The following ZFYVE26 variants were observed in gnomAD, a reference collection of about 807,000 sequenced individuals.
ZFYVE26 encodes the protein zinc finger FYVE-type containing 26.
Under a neutral mutation model 276.5 loss-of-function variants are expected in ZFYVE26, and 181 were observed. That is an observed-to-expected ratio of 0.65 (90% CI 0.58 to 0.74). The LOEUF (loss-of-function observed/expected upper bound fraction) is 0.74, where lower values mean the gene tolerates loss of function less well. Among genes scored for constraint, ZFYVE26 ranks in the 30% least tolerant of loss-of-function variants. The pLI is 0.00. For synonymous variants in ZFYVE26, 1,129 were observed against 1,203.1 expected, an observed-to-expected ratio of 0.94 and a Z score of 1.27; for missense variants, 2,821 against 3,097.9, an observed-to-expected ratio of 0.91 and a Z score of 2.12.
In ZFYVE26 at chr14:67,798,149, G is replaced by C. The variant is rs781458095; in HGVS notation, c.2113C>G (p.Pro705Ala). Residue 705 changes from proline (P) to alanine (A), a missense_variant, in exon 11 of 42, where the codon CCT (proline) becomes GCT (alanine). Transcript: ENST00000347230. ...TGACTTTCTTGCTTTGGCTTCTCAG[G>C]AGGGCTGCGGCTACTGATCTCATCC... ...QLDEISSRSP[P>A]EKPKQESQSC... is the part of the protein sequence containing the mutation. The C allele has an allele frequency of 5.6e-6, 9 of 1,614,094 alleles. No homozygotes were observed. The highest frequency in any genetic ancestry group is 3.3e-5 in the Admixed American group (2 of 60,012).
In ZFYVE26 at chr14:67,790,762, C is replaced by G. The variant is rs145738942; in HGVS notation, c.2565G>C (p.Thr855=). Reference sequence around the variant, plus strand: ...AACTGGGTGAGGACTTCAGGTTGAACGTGAACAGCACCTGTCATAGGAGAG... The same window carrying G: ...AACTGGGTGAGGACTTCAGGTTGAAGGTGAACAGCACCTGTCATAGGAGAG... The part of the protein sequence containing the change: ...NFAEAHQVLF[T]FNLKSSPSSG... The change falls in exon 15 of 42, where the codon ACG becomes ACC. Residue 855 remains threonine (T), a synonymous_variant. Transcript: ENST00000347230. 1.9e-6 allele frequency: 3 copies of G among 1,614,060 alleles called. No homozygotes were observed. The highest frequency in any genetic ancestry group is 2.5e-6 in the Non-Finnish European group (3 of 1,179,966).
At chr14:67,774,203 A>G (rs1314743121) in intron 27 of ZFYVE26, among the ~76,000 whole-genome samples, 2 of 152,114 alleles carry the variant, frequency 1.3e-5, no homozygotes, top group African/African-American at 4.8e-5. Flanking sequence ...GGTTGTTTCA[A>G]CCTCTATATA....
At chr14:67,768,310 G>A (rs1343303722) in intron 30 of ZFYVE26, among the ~76,000 whole-genome samples, 2 of 152,234 alleles carry the variant, frequency 1.3e-5, no homozygotes, top group Admixed American at 1.3e-4. Flanking sequence ...CCTTCTCAAT[G>A]CTGGAAGCTA....
chr14:67,806,670 G>C lies in ZFYVE26; in HGVS notation c.892C>G (p.Pro298Ala). ...GCCCGCTCAGGATCTAGATGATCCGGTGAGACTGAACATCAAACAAGACGG... is the reference window on the plus strand; with the variant it reads ...GCCCGCTCAGGATCTAGATGATCCGCTGAGACTGAACATCAAACAAGACGG... ...PRATASGKVSPDHLDPERAML... is the reference protein window; with the variant it reads ...PRATASGKVSADHLDPERAML... The change falls in exon 6 of 42, where the codon CCG becomes GCG. Residue 298 changes from proline (P) to alanine (A), a missense_variant. By Grantham distance (27) the Pro-to-Ala change is conservative. Transcript: ENST00000347230. 8 of 1,614,010 alleles carry C rather than the reference G, an allele frequency of 5.0e-6. No homozygotes were observed. Among genetic ancestry groups the C allele is most frequent in the Non-Finnish European group, 6.8e-6 (8 of 1,179,976 alleles).
chr14:67,736,384 G>A (rs1480645908), intron 13 of ZFYVE26, among the ~76,000 whole-genome samples: 2 of 152,132 alleles, frequency 1.3e-5, no homozygotes, highest in African/African-American at 2.4e-5. Flanking sequence ...TTGTAGAAGA[G>A]GCATTTCAAA....
intron 13 of ZFYVE26, 125 bp from the exon 14 acceptor site, chr14:67,793,884 G>C: frequency 7.3e-7 from 1 of 1,361,242 alleles, no homozygotes; most frequent in Non-Finnish European, 1.0e-6. Context: ...CTGTAAATAG[G>C]TCTTAATTTT....
rs2038528214 is a variant in ZFYVE26 at position 67,747,997 on chromosome 14, G to A, written c.*439C>T. On this transcript the variant is annotated 3_prime_UTR_variant, in exon 42 of 42. Transcript: ENST00000347230. ...GAGGAGCTACTAAAGCACGTCCACAGAGGGGGGACTATACAAACAGGACAA... is the reference window on the plus strand; with the variant it reads ...GAGGAGCTACTAAAGCACGTCCACAAAGGGGGGACTATACAAACAGGACAA... 1 of 196,854 alleles carries A rather than the reference G, an allele frequency of 5.1e-6. No homozygotes were observed. The highest frequency in any genetic ancestry group is 1.1e-5 in the Non-Finnish European group (1 of 94,738). The allele number at this position is 196,854 out of a possible 1,614,324, so 12.2% of individuals were successfully genotyped here. A position where few individuals can be genotyped will look rare whatever the true frequency, so the allele number is the denominator to read the frequency against.
intron 25 of ZFYVE26, among the ~76,000 whole-genome samples, chr14:67,776,634 T>C (rs1240658913): frequency 3.3e-5 from 5 of 152,188 alleles, no homozygotes; most frequent in Non-Finnish European, 1.5e-5. Flanking sequence ...GTAGTGTCAG[T>C]AGTCTAATGA....
At chr14:67,758,557 T>C (rs1349162937) in intron 35 of ZFYVE26, among the ~76,000 whole-genome samples, 1 of 152,210 alleles carries the variant, frequency 6.6e-6, no homozygotes, top group African/African-American at 2.4e-5. Flanking sequence ...TGGTGGCTAA[T>C]GCTGCTTGAG....
In ZFYVE26 at chr14:67,762,761, G is replaced by C; in HGVS notation, c.6070C>G (p.Pro2024Ala). 1 of 1,614,204 alleles carries C rather than the reference G, an allele frequency of 6.2e-7. No homozygotes were observed. Among genetic ancestry groups the C allele is most frequent in the Non-Finnish European group, 8.5e-7 (1 of 1,180,046 alleles). ...ILVAAAYRHVPSLDQILQPAA... is the reference protein window; with the variant it reads ...ILVAAAYRHVASLDQILQPAA... Reference sequence around the variant, plus strand: ...GGCTGCAAGATCTGATCCAAAGATGGCACGTGGCGATAGGCAGCAGCAACT... The same window carrying C: ...GGCTGCAAGATCTGATCCAAAGATGCCACGTGGCGATAGGCAGCAGCAACT... The change falls in exon 33 of 42, where the codon CCA becomes GCA. Residue 2024 changes from proline to alanine, a missense_variant. Transcript: ENST00000347230.
chr14:67,814,067 G>A lies in ZFYVE26; in HGVS notation c.195-3C>T. The A allele has an allele frequency of 6.2e-7, 1 of 1,611,814 alleles. No individual in the cohort carries two copies. The highest frequency in any genetic ancestry group is 8.5e-7 in the Non-Finnish European group (1 of 1,178,136). ...GAGGGTTGATGTCCTGCCCACATCT[G>A]AAAAAGGTAAAAAGAAAGACTTGTA... On this transcript the variant is annotated splice_region_variant and splice_polypyrimidine_tract_variant and intron_variant, in intron 2 of 41. Coordinates refer to ENST00000347230, the MANE Select transcript of ZFYVE26 (RefSeq NM_015346.4).
Position 67,729,280 on chromosome 14 carries a change from C to T in ZFYVE26, n.3219G>A, listed in dbSNP as rs777424197. ...CTCCCTGCTCTGCCTGCTCTGGCGG[C>T]TCTTCTCCCCCTTTGTCAAGACGGC... is the stretch of plus-strand genomic sequence containing the variant. On this transcript the variant is annotated non_coding_transcript_exon_variant, in exon 14 of 15. Transcript: ENST00000394455. 23 of 1,605,624 alleles carry T rather than the reference C, an allele frequency of 1.4e-5. No homozygotes were observed. Among genetic ancestry groups the T allele is most frequent in the Non-Finnish European group, 1.7e-5 (20 of 1,179,970 alleles).
At position 67,807,615 on chromosome 14, in the gene ZFYVE26, C is replaced by T. The variant is rs754557488; in HGVS notation, c.669G>A (p.Arg223=). ...GTGGTTCTGCGGGGCAACGCAGAGT[C>T]CGCAGGGCTCCATAGATGGCATCGA... ...GVVDAIYGAL[R]TLRCPAEPLG... is the part of the protein sequence containing the mutation. The change falls in exon 5 of 42, where the codon CGG becomes CGA. Residue 223 remains arginine, a synonymous_variant. Coordinates refer to ENST00000347230, the MANE Select transcript of ZFYVE26 (RefSeq NM_015346.4). The T allele has an allele frequency of 3.7e-6, 6 of 1,614,110 alleles. No individual in the cohort carries two copies. Among genetic ancestry groups the T allele is most frequent in the Non-Finnish European group, 5.1e-6 (6 of 1,180,048 alleles).
rs1257218822 is a variant in ZFYVE26 at position 67,805,603 on chromosome 14, A to T, written c.1033T>A (p.Leu345Met). The T allele has an allele frequency of 6.2e-7, 1 of 1,613,934 alleles. No homozygotes were observed. The highest frequency in any genetic ancestry group is 1.3e-5 in the African/African-American group (1 of 74,930). The change falls in exon 7 of 42, where the codon TTG (leucine) becomes ATG (methionine). Residue 345 changes from leucine (L) to methionine (M), a missense_variant. By Grantham distance (15) the Leu-to-Met change is conservative. Coordinates refer to ENST00000347230, the MANE Select transcript of ZFYVE26 (RefSeq NM_015346.4). ...TTTGGGAAGTCTTCTTCTTTCAACA[A>T]TGTTAGTGCTGTTACCTGTAAGTCA... ...LEQILVTALTLLKEEDFPNLG... is the reference protein window; with the variant it reads ...LEQILVTALTMLKEEDFPNLG...
intron 39 of ZFYVE26, 86 bp downstream of exon 39, chr14:67,753,621 T>C (rs2038704238): frequency 2.8e-6 from 4 of 1,411,358 alleles, no homozygotes. Context: ...TTTCTTGGGA[T>C]AAGAATTTCC....
intron 14 of ZFYVE26, among the ~76,000 whole-genome samples, chr14:67,791,233 T>C (rs984434966): frequency 5.9e-5 from 9 of 152,222 alleles, no homozygotes; most frequent in Non-Finnish European, 1.0e-4. Context: ...GTAGTTTTTA[T>C]GAGGAACTTT....
intron 13 of ZFYVE26, among the ~76,000 whole-genome samples, chr14:67,737,793 A>G (rs1401762758): frequency 1.3e-5 from 2 of 152,056 alleles, no homozygotes; most frequent in Non-Finnish European, 2.9e-5. Flanking sequence ...AAACTCCTGG[A>G]CTCAAGTGAT....
At chr14:67,762,145 C>T in intron 34 of ZFYVE26, 58 bp downstream of exon 34, 1 of 1,550,992 alleles carries the variant, frequency 6.4e-7, no homozygotes, top group East Asian at 2.2e-5. Flanking sequence ...TTTCCCAGGT[C>T]ATTGCTATTC....
At chr14:67,733,061 T>G (rs1458743519) in intron 13 of ZFYVE26, among the ~76,000 whole-genome samples, 1 of 152,092 alleles carries the variant, frequency 6.6e-6, no homozygotes, top group Non-Finnish European at 1.5e-5. Flanking sequence ...ACATGGCACA[T>G]GTATACATAT....
Sources: gnomAD v4.1 joint callset for allele counts (sites outside exome capture counted in the v4.1 genomes callset) on GRCh38, gnomAD v4.1.1 for gene constraint, MANE v1.5 for transcripts, NCBI Gene and HGNC (gene_info 2026-07-23, HGNC 2026-07-21) for gene names.